RABGAP1L: variants seen among roughly 807,000 people sequenced by gnomAD.
RABGAP1L encodes the protein RAB GTPase activating protein 1 like.
RABGAP1L carries 63 observed loss-of-function variants against 137.7 expected under a neutral mutation model. That is an observed-to-expected ratio of 0.46 (90% CI 0.37 to 0.56). The LOEUF is 0.56. RABGAP1L is among the 20% of genes least tolerant of loss of function. The pLI, the probability that RABGAP1L is intolerant of heterozygous loss-of-function variation, is 0.00. For missense variants in RABGAP1L, 1,095 were observed against 1,244.0 expected (o/e 0.88, Z 1.80); for synonymous variants, 431 against 433.7 (o/e 0.99, Z 0.08).
chr1:174,461,151 A>T (rs1656642650), intron 13 of RABGAP1L, among the ~76,000 whole-genome samples: 1 of 152,066 alleles, frequency 6.6e-6, no homozygotes, highest in Non-Finnish European at 1.5e-5. Context: ...AAGGTTTCGA[A>T]ATTTTTTTCT....
At chr1:174,351,869 TC>T (rs745479956) in intron 11 of RABGAP1L, among the ~76,000 whole-genome samples, 1 of 152,162 alleles carries the variant, frequency 6.6e-6, no homozygotes, top group Non-Finnish European at 1.5e-5. Flanking sequence ...TGGTGCCATC[TC>T]GGCTCACTGC....
intron 11 of RABGAP1L, among the ~76,000 whole-genome samples, chr1:174,318,671 ACT>A (rs1346393903): frequency 2.6e-5 from 2 of 78,110 alleles, no homozygotes; most frequent in African/African-American, 9.5e-5. Flanking sequence ...TTCCTGTCTT[ACT>A]CTCTTTTAAT....
intron 18 of RABGAP1L, among the ~76,000 whole-genome samples, chr1:174,792,704 C>A (rs1431816282): frequency 1.3e-5 from 2 of 152,196 alleles, no homozygotes; most frequent in Non-Finnish European, 1.5e-5. Context: ...CTCAATAAAG[C>A]AACTAAAACT....
intron 7 of RABGAP1L, among the ~76,000 whole-genome samples, chr1:174,261,124 A>G (rs1673547588): frequency 6.6e-6 from 1 of 152,032 alleles, no homozygotes; most frequent in Non-Finnish European, 1.5e-5. Context: ...CCCTCATATT[A>G]ATACTTGTGC....
intron 11 of RABGAP1L, among the ~76,000 whole-genome samples, chr1:174,332,056 T>G (rs1336335195): frequency 6.6e-6 from 1 of 152,108 alleles, no homozygotes; most frequent in East Asian, 1.9e-4. Flanking sequence ...AAAATCTGTT[T>G]GAGAGGAAAT....
chr1:174,264,562 C>T (rs1421266034), intron 7 of RABGAP1L, among the ~76,000 whole-genome samples: 1 of 152,142 alleles, frequency 6.6e-6, no homozygotes, highest in Non-Finnish European at 1.5e-5. Flanking sequence ...AAAAATCAAA[C>T]TAAAAAATCA....
intron 23 of RABGAP1L, among the ~76,000 whole-genome samples, chr1:174,979,782 A>G (rs986687266): frequency 6.6e-6 from 1 of 152,196 alleles, no homozygotes; most frequent in African/African-American, 2.4e-5. Context: ...CTTTCCTGGT[A>G]TCTACTGGTA....
intron 12 of RABGAP1L, among the ~76,000 whole-genome samples, chr1:174,386,223 C>T (rs532470746): frequency 6.6e-6 from 1 of 152,276 alleles, no homozygotes; most frequent in South Asian, 2.1e-4. Flanking sequence ...TCTAAGCACT[C>T]TCCATGTGTT....
intron 13 of RABGAP1L, among the ~76,000 whole-genome samples, chr1:174,480,488 C>T (rs1295850845): frequency 6.6e-6 from 1 of 152,222 alleles, no homozygotes; most frequent in African/African-American, 2.4e-5. Context: ...TCAAGGCCAG[C>T]TCTGGACAGA....
chr1:174,474,593 A>G (rs1474627472), intron 13 of RABGAP1L, among the ~76,000 whole-genome samples: 2 of 151,900 alleles, frequency 1.3e-5, no homozygotes, highest in Admixed American at 1.3e-4. Context: ...GATGATGATG[A>G]TGATTATTAT....
chr1:174,181,210 T>G (rs1666324167), intron 1 of RABGAP1L, among the ~76,000 whole-genome samples: 1 of 152,206 alleles, frequency 6.6e-6, no homozygotes, highest in African/African-American at 2.4e-5. Flanking sequence ...CTTGCTGTAT[T>G]GTCCAGGTTG....
chr1:174,742,599 TG>T (rs1039524410), intron 17 of RABGAP1L, among the ~76,000 whole-genome samples: 3 of 152,166 alleles, frequency 2.0e-5, no homozygotes, highest in Admixed American at 2.0e-4. Context: ...AATGGAAAAC[TG>T]GCAGAAGCCT....
intron 18 of RABGAP1L, among the ~76,000 whole-genome samples, chr1:174,802,547 C>T (rs762718679): frequency 3.7e-4 from 56 of 152,126 alleles, no homozygotes; most frequent in Middle Eastern, 3.2e-3. Flanking sequence ...GCAGAGATTG[C>T]GGTGAGCTGA....
intron 17 of RABGAP1L, among the ~76,000 whole-genome samples, chr1:174,731,405 T>C (rs996211275): frequency 6.6e-6 from 1 of 152,252 alleles, no homozygotes; most frequent in African/African-American, 2.4e-5. Context: ...TTGTCATGTT[T>C]AAGATTTCTA....
chr1:174,420,108 T>C (rs915798347), intron 13 of RABGAP1L, among the ~76,000 whole-genome samples: 2 of 152,188 alleles, frequency 1.3e-5, no homozygotes, highest in African/African-American at 4.8e-5. Flanking sequence ...AAGAGGGCTT[T>C]AATGAAAAAG....
rs201548780 is a variant in RABGAP1L, at chr1:174,675,978, GT to G, written c.1825-7534del. Among the ~76,000 whole-genome samples, 17 of 148,452 alleles carry G rather than the reference GT, an allele frequency of 1.1e-4. 1 individual carries two copies. In the South Asian group the frequency reaches 1.9e-3, roughly 17 times the overall value. ...GAGGTACCTGCAAGTAAAACTGAGG[GT>G]TTTTTTTTTGAAGTAAAAGAAAGAA... On this transcript the variant is annotated intron_variant, in intron 14 of 25. Coordinates refer to ENST00000681986, the MANE Select transcript of RABGAP1L (RefSeq NM_001366446.1).
intron 11 of RABGAP1L, among the ~76,000 whole-genome samples, chr1:174,351,866 A>G (rs1421839886): frequency 6.6e-6 from 1 of 152,050 alleles, no homozygotes; most frequent in East Asian, 1.9e-4. Flanking sequence ...CAGTGGTGCC[A>G]TCTCGGCTCA....
intron 13 of RABGAP1L, among the ~76,000 whole-genome samples, chr1:174,493,880 A>G (rs1169759652): frequency 2.0e-5 from 3 of 151,542 alleles, no homozygotes; most frequent in Non-Finnish European, 4.4e-5. Context: ...AGCAAAATCT[A>G]CTTTTAAGTA....
At chr1:174,415,556 A>C (rs1482711725) in intron 13 of RABGAP1L, among the ~76,000 whole-genome samples, 1 of 152,010 alleles carries the variant, frequency 6.6e-6, no homozygotes, top group Non-Finnish European at 1.5e-5. Context: ...TAGGTGACAA[A>C]TTTTTTGAAG....
Sources: allele counts gnomAD v4.1 joint callset (sites outside exome capture counted in the v4.1 genomes callset), GRCh38; gene constraint gnomAD v4.1.1; transcripts MANE v1.5; gene names NCBI Gene and HGNC (gene_info 2026-07-23, HGNC 2026-07-21).